Variants in TMEM74 observed in about 807,000 individuals in gnomAD.
The protein encoded by TMEM74 is transmembrane protein 74.
Under a neutral mutation model 18.1 loss-of-function variants are expected in TMEM74, and 13 were observed. That is an observed-to-expected ratio of 0.72 (90% confidence interval 0.47 to 1.14). The LOEUF is 1.14. Among genes scored for constraint, TMEM74 ranks in the 50% most tolerant of loss-of-function variants. The pLI is 0.00. For synonymous variants in TMEM74, 159 were observed against 146.6 expected (o/e 1.08, Z -0.61); for missense variants, 372 against 375.9 (o/e 0.99, Z 0.09).
intron 1 of TMEM74, among the ~76,000 whole-genome samples, chr8:108,673,728 A>G (rs1417007874): frequency 1.3e-5 from 2 of 152,222 alleles, no homozygotes; most frequent in Non-Finnish European, 2.9e-5. Flanking sequence ...GGACAAAAAG[A>G]AAGTACTGTG....
At chr8:108,689,714 T>G (rs1390023784) in intron 1 of TMEM74, among the ~76,000 whole-genome samples, 1 of 152,166 alleles carries the variant, frequency 6.6e-6, no homozygotes, top group Non-Finnish European at 1.5e-5. Flanking sequence ...CCAACACATA[T>G]GGCTTTCTTC....
intron 2 of TMEM74, among the ~76,000 whole-genome samples, chr8:108,637,332 T>C (rs1171383155): frequency 8.6e-5 from 13 of 151,988 alleles, no homozygotes; most frequent in Non-Finnish European, 1.9e-4. Context: ...TTTGACCAGG[T>C]GTGGTAGGCA....
intron 2 of TMEM74, among the ~76,000 whole-genome samples, chr8:108,620,415 T>C (rs1441285242): frequency 6.6e-6 from 1 of 152,150 alleles, no homozygotes; most frequent in Non-Finnish European, 1.5e-5. Flanking sequence ...AGGGTTGTAA[T>C]GGGATATGGG....
intron 2 of TMEM74, among the ~76,000 whole-genome samples, chr8:108,610,724 T>A (rs1036188285): frequency 1.3e-5 from 2 of 151,916 alleles, no homozygotes; most frequent in Admixed American, 1.3e-4. Flanking sequence ...GAGTGGGCCA[T>A]GAAAAGAGCA....
intron 1 of TMEM74, among the ~76,000 whole-genome samples, chr8:108,690,861 C>T (rs1240628774): frequency 2.6e-5 from 4 of 151,960 alleles, no homozygotes; most frequent in Non-Finnish European, 4.4e-5. Flanking sequence ...AGTGCCAGCT[C>T]AGCCATGAAG....
At chr8:108,729,182 T>C (rs1813670091) in intron 1 of TMEM74, among the ~76,000 whole-genome samples, 1 of 152,238 alleles carries the variant, frequency 6.6e-6, no homozygotes, top group Admixed American at 6.5e-5. Flanking sequence ...CTTCATGTTA[T>C]TGGCTTAATT....
At chr8:108,676,871 C>T (rs928167967) in intron 1 of TMEM74, among the ~76,000 whole-genome samples, 2 of 152,140 alleles carry the variant, frequency 1.3e-5, no homozygotes, top group Non-Finnish European at 2.9e-5. Flanking sequence ...CAGCACCAGG[C>T]ACAAAACAGT....
chr8:108,741,760 A>G (rs780209298), intron 1 of TMEM74, among the ~76,000 whole-genome samples: 1 of 152,216 alleles, frequency 6.6e-6, no homozygotes, highest in Non-Finnish European at 1.5e-5. Flanking sequence ...TTACTAATGG[A>G]TAACAGTTAA....
chr8:108,715,690 G>T (rs537961671), intron 1 of TMEM74, among the ~76,000 whole-genome samples: 1 of 152,052 alleles, frequency 6.6e-6, no homozygotes, highest in South Asian at 2.1e-4. Flanking sequence ...AAGTGAGAAA[G>T]CATAAAGTAT....
At chr8:108,743,906 G>A (rs1161247315) in intron 1 of TMEM74, among the ~76,000 whole-genome samples, 2 of 152,130 alleles carry the variant, frequency 1.3e-5, no homozygotes, top group Non-Finnish European at 2.9e-5. Flanking sequence ...GGGGGAAGAT[G>A]TGAACTGCAG....
intron 1 of TMEM74, among the ~76,000 whole-genome samples, chr8:108,679,493 G>A (rs1167083020): frequency 6.6e-6 from 1 of 152,184 alleles, no homozygotes; most frequent in Non-Finnish European, 1.5e-5. Flanking sequence ...TTTCCCTGAT[G>A]GCCAGTGATG....
chr8:108,758,922 G>A (rs543843751), intron 1 of TMEM74, among the ~76,000 whole-genome samples: 4 of 151,988 alleles, frequency 2.6e-5, no homozygotes, highest in Admixed American at 6.6e-5. Context: ...GGAATAAAAC[G>A]TGATTTTTAA....
At chr8:108,775,606 C>T (rs1814225094), downstream of TMEM74, among the ~76,000 whole-genome samples, 1 of 152,192 alleles carries the variant, frequency 6.6e-6, no homozygotes, top group East Asian at 1.9e-4. Context: ...CTCAACGATG[C>T]TCTTTTGAGA....
At chr8:108,641,362 A>T (rs1586243915) in intron 2 of TMEM74, among the ~76,000 whole-genome samples, 1 of 152,124 alleles carries the variant, frequency 6.6e-6, no homozygotes. Context: ...GTTCATTCTC[A>T]TTTTTCCTGT....
At chr8:108,756,704 GA>G (rs1460606194) in intron 1 of TMEM74, among the ~76,000 whole-genome samples, 1 of 97,298 alleles carries the variant, frequency 1.0e-5, no homozygotes. Flanking sequence ...AAGAAGGAAG[GA>G]AAGAAAGAAA....
intron 2 of TMEM74, among the ~76,000 whole-genome samples, chr8:108,627,927 T>A (rs1055184171): frequency 6.6e-6 from 1 of 151,888 alleles, no homozygotes; most frequent in Non-Finnish European, 1.5e-5. Context: ...TGGTGGTGCA[T>A]GCCTGTAATC....
At chr8:108,660,517 C>A (rs138928999) in intron 1 of TMEM74, among the ~76,000 whole-genome samples, 1 of 152,310 alleles carries the variant, frequency 6.6e-6, no homozygotes, top group East Asian at 1.9e-4. Flanking sequence ...ATAGCAGAAA[C>A]CTTACCCAGT....
chr8:108,765,481 A>T (rs1814095519), intron 1 of TMEM74, among the ~76,000 whole-genome samples: 1 of 143,608 alleles, frequency 7.0e-6, no homozygotes, highest in Non-Finnish European at 1.5e-5. Context: ...ATCTCAGCTC[A>T]CTGCAACCTC....
chr8:108,686,167 G>A (rs998796701), intron 1 of TMEM74, among the ~76,000 whole-genome samples: 1 of 152,056 alleles, frequency 6.6e-6, no homozygotes, highest in African/African-American at 2.4e-5. Flanking sequence ...TAAACAATGG[G>A]AGCGTAAGTT....
Sources: allele counts gnomAD v4.1 joint callset (sites outside exome capture counted in the v4.1 genomes callset), GRCh38; gene constraint gnomAD v4.1.1; transcripts MANE v1.5; gene names NCBI Gene and HGNC (gene_info 2026-07-23, HGNC 2026-07-21).